Variants in NINJ2 observed in about 807,000 individuals in gnomAD.
NINJ2 encodes the protein ninjurin-2.
In NINJ2, 12 loss-of-function variants were observed where a neutral mutation model predicts 11.7. The observed-to-expected ratio is 1.02, with a 90% CI of 0.66 to 1.66. The LOEUF is 1.66. Ranked by LOEUF, NINJ2 falls within the 40% of genes most tolerant of loss-of-function variation. The pLI is 0.00. For missense variants in NINJ2, 187 were observed against 181.8 expected (o/e 1.03, Z -0.16); for synonymous variants, 93 against 76.8 (o/e 1.21, Z -1.10).
chr12:605,183 G>T (rs558940174), intron 1 of NINJ2, among the ~76,000 whole-genome samples: 3 of 152,184 alleles, frequency 2.0e-5, no homozygotes, highest in Non-Finnish European at 4.4e-5. Context: ...TCAAAACTCC[G>T]CCTTCCCCAC....
In NINJ2 at chr12:581,930, A is replaced by G. The variant is rs912299257; in HGVS notation, c.34-15752T>C. 2.6e-5 allele frequency among the ~76,000 whole-genome samples: 4 copies of G among 152,154 alleles called. No individual in the cohort carries two copies. The highest frequency in any genetic ancestry group is 7.2e-5 in the African/African-American group (3 of 41,444). ...ATTCTCCGCGGACGCTGAACACACA[A>G]AAAGCCCAGCCCTGGAGGGATTCCA... On this transcript the variant is annotated intron_variant, in intron 1 of 3. Transcript: ENST00000305108. The surrounding 1 kb of genome is among the most constrained non-coding windows in gnomAD (Gnocchi z 4.9).
intron 1 of NINJ2, among the ~76,000 whole-genome samples, chr12:661,018 T>G (rs1937950874): frequency 6.6e-6 from 1 of 152,182 alleles, no homozygotes; most frequent in Non-Finnish European, 1.5e-5. Flanking sequence ...TGATGTACCT[T>G]TACCACCCAT....
chr12:637,070 G>T (rs1235924561), intron 1 of NINJ2, among the ~76,000 whole-genome samples: 2 of 152,204 alleles, frequency 1.3e-5, no homozygotes, highest in Non-Finnish European at 1.5e-5. Flanking sequence ...GGAAATTCTG[G>T]CCAGGCACAG....
At chr12:601,597 C>T (rs758652139) in intron 1 of NINJ2, among the ~76,000 whole-genome samples, 2 of 152,072 alleles carry the variant, frequency 1.3e-5, no homozygotes, top group Non-Finnish European at 2.9e-5. Context: ...GGTGCGGTGG[C>T]TCACGCCTGT....
rs563979939 is a variant in NINJ2, at chr12:658,161, G to C, written c.33+5167C>G. 7.6e-4 allele frequency among the ~76,000 whole-genome samples: 116 copies of C among 151,946 alleles called. 1 individual carries two copies. Among genetic ancestry groups the C allele is most frequent in the African/African-American group, 2.7e-3 (112 of 41,452 alleles). On this transcript the variant is annotated intron_variant, in intron 1 of 3. Coordinates refer to ENST00000305108, the MANE Select transcript of NINJ2 (RefSeq NM_016533.6). Reference sequence around the variant, plus strand: ...TTACAAGCACCTGCCACCATGCCTGGCTAATTTTTGTATTTTTAGTAGAAG... The same window carrying C: ...TTACAAGCACCTGCCACCATGCCTGCCTAATTTTTGTATTTTTAGTAGAAG...
chr12:659,053 A>AAT (rs34183190), intron 1 of NINJ2, among the ~76,000 whole-genome samples: 18,038 of 145,292 alleles, frequency 0.12, 1,238 homozygotes, highest in Admixed American at 0.21. Context: ...TATTATATAT[A>AAT]ATATATATAT....
Position 585,794 on chromosome 12 carries a change from G to A in NINJ2, c.34-19616C>T, listed in dbSNP as rs1338425190. 6.6e-6 allele frequency: 1 copy of A among 152,284 alleles called. No individual in the cohort carries two copies. The highest frequency in any genetic ancestry group is 1.5e-5 in the Non-Finnish European group (1 of 68,094). 9.4% of individuals were successfully genotyped at this position (152,284 alleles called of 1,614,324 possible). On this transcript the variant is annotated intron_variant, in intron 1 of 3. Transcript: ENST00000305108. This position sits in a 1 kb window ranked among gnomAD's most constrained non-coding sequence, Gnocchi z 4.1. The stretch of plus-strand genomic sequence containing the variant: ...CTTAGAAAGGAATAGCTCAGACGGA[G>A]TTTGTGATTAATTACGGGAATGGGT...
In NINJ2 at chr12:635,190, A is replaced by T. The variant is rs1387353101; in HGVS notation, c.33+28138T>A. Among the ~76,000 whole-genome samples the T allele has an allele frequency of 2.6e-5, 4 of 151,776 alleles. No homozygotes were observed. In the East Asian group the frequency reaches 7.7e-4, roughly 29 times the overall value. ...TGCCTCAGCCTCCTGAGTAGCTGGG[A>T]TTACTGGCACGTGCCACCACATCCT... On this transcript the variant is annotated intron_variant, in intron 1 of 3. Coordinates refer to ENST00000305108, the MANE Select transcript of NINJ2 (RefSeq NM_016533.6).
At position 585,148 on chromosome 12, in the gene NINJ2, C is replaced by T. The variant is rs1947614584; in HGVS notation, c.34-18970G>A. 6.6e-6 allele frequency among the ~76,000 whole-genome samples: 1 copy of T among 152,188 alleles called. No homozygotes were observed. The highest frequency in any genetic ancestry group is 2.1e-4 in the South Asian group (1 of 4,826). ...AACACATAAATAAAAGCAAATCCTTCTTTTCGCTAAGGCTGCATTTCCACC... is the reference window on the plus strand; with the variant it reads ...AACACATAAATAAAAGCAAATCCTTTTTTTCGCTAAGGCTGCATTTCCACC... On this transcript the variant is annotated intron_variant, in intron 1 of 3. Coordinates refer to ENST00000305108, the MANE Select transcript of NINJ2 (RefSeq NM_016533.6). The surrounding 1 kb of genome is among the most constrained non-coding windows in gnomAD (Gnocchi z 4.1).
rs896917529 is a variant in NINJ2, at chr12:643,377, G to T, written c.33+19951C>A. On this transcript the variant is annotated intron_variant, in intron 1 of 3. Coordinates refer to ENST00000305108, the MANE Select transcript of NINJ2 (RefSeq NM_016533.6). The stretch of plus-strand genomic sequence containing the variant: ...GGGTGGCGTTCCTGAGTCCGCGGAG[G>T]AAAGGGTCGCAGCTGCAGTCGCGCC... The T allele has an allele frequency of 3.2e-5, 30 of 928,270 alleles. 1 individual carries two copies. The East Asian group carries it at 7.0e-4, about 22-fold the overall frequency. The allele number at this position is 928,270 out of a possible 1,614,324, so 57.5% of individuals were successfully genotyped here.
intron 1 of NINJ2, among the ~76,000 whole-genome samples, chr12:575,871 T>C (rs756404208): frequency 3.4e-4 from 52 of 152,118 alleles, no homozygotes; most frequent in Non-Finnish European, 5.1e-4. Context: ...GAGCCCTTTT[T>C]CCCCTAGATC....
intron 1 of NINJ2, among the ~76,000 whole-genome samples, chr12:625,813 C>T (rs73596300): frequency 0.01 from 1,559 of 152,166 alleles, 30 homozygotes; most frequent in African/African-American, 0.036. Context: ...ATAGAGGGAA[C>T]GGATAAGCAA....
Position 640,274 on chromosome 12 carries a change from A to G in NINJ2, c.33+23054T>C, listed in dbSNP as rs1247542920. 6.6e-6 allele frequency among the ~76,000 whole-genome samples: 1 copy of G among 152,194 alleles called. No homozygotes were observed. Among genetic ancestry groups the G allele is most frequent in the Non-Finnish European group, 1.5e-5 (1 of 68,026 alleles). On this transcript the variant is annotated intron_variant, in intron 1 of 3. Coordinates refer to ENST00000305108, the MANE Select transcript of NINJ2 (RefSeq NM_016533.6). The surrounding 1 kb of genome is among the most constrained non-coding windows in gnomAD (Gnocchi z 4.0). ...GGCATCTTAGAATCAGAAGTTTCCA[A>G]ACTTGGAGGCAGTTTAAGAACCATC... is the stretch of plus-strand genomic sequence containing the variant.
chr12:643,439 C>G (rs1377800964), intron 1 of NINJ2: 11 of 988,076 alleles, frequency 1.1e-5, no homozygotes, highest in Non-Finnish European at 1.3e-5. Context: ...CGCGACGCGG[C>G]TCACAAACTA....
intron 1 of NINJ2, among the ~76,000 whole-genome samples, chr12:613,854 G>A (rs1052697739): frequency 6.6e-6 from 1 of 152,124 alleles, no homozygotes; most frequent in Non-Finnish European, 1.5e-5. Context: ...GCAGTGAGCC[G>A]AGATCGCGCC....
rs1198207733 is a variant in NINJ2 at position 591,435 on chromosome 12, T to C, written c.34-25257A>G. 1.3e-5 allele frequency among the ~76,000 whole-genome samples: 2 copies of C among 152,154 alleles called. No homozygotes were observed. Among genetic ancestry groups the C allele is most frequent in the African/African-American group, 4.8e-5 (2 of 41,416 alleles). ...AACAACCTGGGGCTGTGCGCTCTCC[T>C]GATGCAAGGTCCTTTCTGCTAGTCA... On this transcript the variant is annotated intron_variant, in intron 1 of 3. Transcript: ENST00000305108. The surrounding 1 kb of genome is among the most constrained non-coding windows in gnomAD (Gnocchi z 5.0).
chr12:606,907 C>T (rs1470885488), intron 1 of NINJ2, among the ~76,000 whole-genome samples: 1 of 152,090 alleles, frequency 6.6e-6, no homozygotes, highest in Non-Finnish European at 1.5e-5. Context: ...GAGAGGACGA[C>T]GCTTTGAACT....
chr12:572,182 C>A (rs1947387113), intron 1 of NINJ2, among the ~76,000 whole-genome samples: 2 of 152,210 alleles, frequency 1.3e-5, no homozygotes, highest in South Asian at 4.1e-4. Flanking sequence ...GATGGGAAAG[C>A]CGGCTCTGAG....
At chr12:639,481 C>G (rs1948394185) in intron 1 of NINJ2, among the ~76,000 whole-genome samples, 1 of 72,756 alleles carries the variant, frequency 1.4e-5, no homozygotes, top group Non-Finnish European at 3.1e-5. Flanking sequence ...TGAAGGTGCT[C>G]TTCTTTTTTT....
Sources: allele counts gnomAD v4.1 joint callset (sites outside exome capture counted in the v4.1 genomes callset), GRCh38; gene constraint gnomAD v4.1.1; non-coding constraint Gnocchi (gnomAD v3.1); transcripts MANE v1.5; gene names NCBI Gene and HGNC (gene_info 2026-07-23, HGNC 2026-07-21).